NHS: variants seen among roughly 807,000 people sequenced by gnomAD.
NHS encodes the protein NHS actin remodeling regulator.
In NHS, 5 loss-of-function variants were observed where a neutral mutation model predicts 72.5. That is an observed-to-expected ratio of 0.07 (90% CI 0.04 to 0.14). The LOEUF (loss-of-function observed/expected upper bound fraction) is 0.14, where lower values mean the gene tolerates loss of function less well. Among genes scored for constraint, NHS ranks in the 10% least tolerant of loss-of-function variants. NHS has a pLI of 1.00. For synonymous variants in NHS, 464 were observed against 547.7 expected (o/e 0.85, Z 2.13); for missense variants, 1,072 against 1,355.7 (o/e 0.79, Z 3.29).
intron 1 of NHS, among the ~76,000 whole-genome samples, chrX:17,668,167 G>A (rs749259726): frequency 3.5e-4 from 39 of 110,231 alleles, no homozygotes; most frequent in African/African-American, 1.2e-3. Context: ...AGGCTAAGGC[G>A]GGAGGACTGC....
At chrX:17,728,877 T>C (rs2066468950) in intron 8 of NHS, 102 bp downstream of exon 8, 4 of 1,028,976 alleles carry the variant, frequency 3.9e-6, no homozygotes, top group Middle Eastern at 2.5e-4. Flanking sequence ...CTTTTTGTAA[T>C]TGTAATACAT....
At chrX:17,625,022 TAAAA>T (rs1192846055) in intron 1 of NHS, among the ~76,000 whole-genome samples, 1 of 112,486 alleles carries the variant, frequency 8.9e-6, no homozygotes, top group Non-Finnish European at 1.9e-5. Context: ...AACTGAGAAA[TAAAA>T]ATATTTTCTT....
chrX:17,683,568 A>G (rs1486416272), intron 1 of NHS, among the ~76,000 whole-genome samples: 1 of 111,229 alleles, frequency 9.0e-6, no homozygotes, highest in African/African-American at 3.3e-5. Flanking sequence ...CCATTTCCTT[A>G]TCTATAAAAT....
chrX:17,406,286 ACCCCCTTGT>A (rs2064528984), intron 1 of NHS, among the ~76,000 whole-genome samples: 1 of 110,305 alleles, frequency 9.1e-6, no homozygotes, highest in South Asian at 3.9e-4. Context: ...TCCACCCCAA[ACCCCCTTGT>A]CCACATTGGT....
chrX:17,548,256 C>T (rs1475109377), intron 1 of NHS, among the ~76,000 whole-genome samples: 6 of 110,566 alleles, frequency 5.4e-5, no homozygotes, highest in African/African-American at 2.0e-4. Flanking sequence ...ATGGTGAGGC[C>T]ATTAAGAGCC....
At chrX:17,584,179 T>C (rs1238365890) in intron 1 of NHS, among the ~76,000 whole-genome samples, 3 of 111,788 alleles carry the variant, frequency 2.7e-5, no homozygotes, top group African/African-American at 9.8e-5. Context: ...AATTAGAGAC[T>C]CTCAAAAGAA....
At chrX:17,538,568 G>T (rs2065244491) in intron 1 of NHS, among the ~76,000 whole-genome samples, 1 of 111,729 alleles carries the variant, frequency 9.0e-6, no homozygotes, top group Non-Finnish European at 1.9e-5. Flanking sequence ...TGCTCCCAGA[G>T]ATGTTGAGTC....
chrX:17,539,350 C>T (rs1260699720), intron 1 of NHS, among the ~76,000 whole-genome samples: 1 of 109,813 alleles, frequency 9.1e-6, no homozygotes, highest in Non-Finnish European at 1.9e-5. Context: ...CCTTAATGCT[C>T]TGCGACATAG....
At chrX:17,485,808 C>T (rs1037528795) in intron 1 of NHS, among the ~76,000 whole-genome samples, 1 of 111,617 alleles carries the variant, frequency 9.0e-6, no homozygotes, top group Non-Finnish European at 1.9e-5. Context: ...AACATGGCAG[C>T]GTTTTGGATT....
intron 1 of NHS, among the ~76,000 whole-genome samples, chrX:17,595,536 G>A (rs1470696201): frequency 9.0e-6 from 1 of 111,681 alleles, no homozygotes; most frequent in East Asian, 2.8e-4. Context: ...CTCAAATCTT[G>A]TTAATACTTA....
chrX:17,634,817 C>T (rs1291636970), intron 1 of NHS, among the ~76,000 whole-genome samples: 1 of 111,925 alleles, frequency 8.9e-6, no homozygotes, highest in Non-Finnish European at 1.9e-5. Context: ...CTTGTCCTTT[C>T]GGTGTGTGCG....
rs1601687010 is a variant in NHS, at chrX:17,394,889, A to G, written c.565+18567A>G. Among the ~76,000 whole-genome samples, 3 of 111,730 alleles carry G rather than the reference A, an allele frequency of 2.7e-5. No individual in the cohort carries two copies. The South Asian group carries it at 1.1e-3, about 42-fold the overall frequency. On this transcript the variant is annotated intron_variant, in intron 1 of 8. Coordinates refer to ENST00000676302, the MANE Select transcript of NHS (RefSeq NM_001291867.2). ...TCGTGTGTGACTGCCTTCTGCTAGT[A>G]CAATGTCACGTTATTTCACAAGCCC...
At chrX:17,466,897 T>C (rs2064873045) in intron 1 of NHS, among the ~76,000 whole-genome samples, 1 of 111,949 alleles carries the variant, frequency 8.9e-6, no homozygotes, top group Non-Finnish European at 1.9e-5. Context: ...TTGAAGAAAA[T>C]CAGATTTGAA....
chrX:17,567,814 G>A (rs12010134), intron 1 of NHS, among the ~76,000 whole-genome samples: 14,174 of 108,781 alleles, frequency 0.13, 2,313 homozygotes, highest in African/African-American at 0.45. Context: ...GAGGGGAGGA[G>A]GGAGGAAGAA....
intron 1 of NHS, among the ~76,000 whole-genome samples, chrX:17,532,704 T>A (rs2065204348): frequency 9.0e-6 from 1 of 111,072 alleles, no homozygotes; most frequent in Non-Finnish European, 1.9e-5. Flanking sequence ...AGGGCTGGGG[T>A]TCTGGAGTAA....
chrX:17,680,045 A>G (rs1378889697), intron 1 of NHS, among the ~76,000 whole-genome samples: 1 of 112,373 alleles, frequency 8.9e-6, no homozygotes, highest in Non-Finnish European at 1.9e-5. Flanking sequence ...TTCTGTAAAT[A>G]AACACAAGGC....
chrX:17,438,312 G>T (rs935382992), intron 1 of NHS, among the ~76,000 whole-genome samples: 6 of 112,252 alleles, frequency 5.3e-5, no homozygotes, highest in Non-Finnish European at 1.1e-4. Context: ...AAACTTCATG[G>T]CCCCACGGCC....
intron 1 of NHS, among the ~76,000 whole-genome samples, chrX:17,406,844 A>G (rs190418023): frequency 7.1e-5 from 8 of 112,120 alleles, no homozygotes; most frequent in African/African-American, 2.6e-4. Context: ...GTATTTTGCC[A>G]TTGCAGAGGA....
Position 17,687,792 on chromosome X carries a change from C to T in NHS, c.616C>T (p.Pro206Ser). The T allele has an allele frequency of 8.3e-7, 1 of 1,212,023 alleles. No individual in the cohort carries two copies. Among genetic ancestry groups the T allele is most frequent in the Admixed American group, 2.2e-5 (1 of 46,092 alleles). Reference sequence around the variant, plus strand: ...TAAGCTGAGTGTGTACTACCGCGCCCCGTGGCACCAGCAGCGCAACATCTT... The same window carrying T: ...TAAGCTGAGTGTGTACTACCGCGCCTCGTGGCACCAGCAGCGCAACATCTT... ...ESKLSVYYRA[P>S]WHQQRNIFLP... The change falls in exon 2 of 9, where the codon CCG (proline) becomes TCG (serine). Residue 206 changes from proline (P) to serine (S), a missense_variant. Pro to Ser is a moderately conservative substitution (Grantham distance 74). Transcript: ENST00000676302.
Sources: allele counts gnomAD v4.1 joint callset (sites outside exome capture counted in the v4.1 genomes callset), GRCh38; gene constraint gnomAD v4.1.1; transcripts MANE v1.5; gene names NCBI Gene and HGNC (gene_info 2026-07-23, HGNC 2026-07-21).